ZNF347: variants seen among roughly 807,000 people sequenced by gnomAD.
ZNF347 encodes the protein zinc finger protein 347, also known as CTD-2620I22.7.
Under a neutral mutation model 12.9 loss-of-function variants are expected in ZNF347, and 19 were observed. The observed-to-expected ratio is 1.47, with a 90% CI of 1.03 to 2.16. The LOEUF (loss-of-function observed/expected upper bound fraction) is 2.16, where lower values mean the gene tolerates loss of function less well. ZNF347 is among the 30% of genes most tolerant of loss of function. The pLI, the probability that ZNF347 is intolerant of heterozygous loss-of-function variation, is 0.00. For missense variants in ZNF347, 1,005 were observed against 990.6 expected, an observed-to-expected ratio of 1.01 and a Z score of -0.19; for synonymous variants, 328 against 340.6, an observed-to-expected ratio of 0.96 and a Z score of 0.41.
chr19:53,157,722 TCTC>T (rs1367347368), intron 1 of ZNF347, among the ~76,000 whole-genome samples: 4 of 151,986 alleles, frequency 2.6e-5, no homozygotes, highest in East Asian at 1.9e-4. Flanking sequence ...CTCCTTCTGC[TCTC>T]CTCGTCACCG....
chr19:53,138,175 G>A lies in ZNF347; in HGVS notation c.*2133C>T, dbSNP rs1192242127. ...CTGTCACCCAGGCTGGAGTGCAATG[G>A]CGCGATCTTGGCTCACTGCAACCTC... On this transcript the variant is annotated 3_prime_UTR_variant, in exon 5 of 5. Transcript: ENST00000334197. 1 of 151,720 alleles carries A rather than the reference G, an allele frequency of 6.6e-6. No individual in the cohort carries two copies. Among genetic ancestry groups the A allele is most frequent in the African/African-American group, 2.4e-5 (1 of 41,118 alleles). The allele number at this position is 151,720 out of a possible 1,614,324, so 9.4% of individuals were successfully genotyped here. A position where few individuals can be genotyped will look rare whatever the true frequency, so the allele number is the denominator to read the frequency against.
intron 4 of ZNF347, among the ~76,000 whole-genome samples, chr19:53,144,021 C>T (rs576546459): frequency 2.6e-5 from 4 of 152,204 alleles, no homozygotes; most frequent in South Asian, 2.1e-4. Context: ...AACATACTGC[C>T]GTTTTGTTAC....
At chr19:53,146,974 G>A (rs1483132002) in intron 4 of ZNF347, among the ~76,000 whole-genome samples, 2 of 152,160 alleles carry the variant, frequency 1.3e-5, no homozygotes, top group African/African-American at 2.4e-5. Context: ...GTTAGCTCAC[G>A]CCTGTAATCC....
intron 4 of ZNF347, among the ~76,000 whole-genome samples, chr19:53,145,541 C>T (rs1357887400): frequency 6.6e-6 from 1 of 151,646 alleles, no homozygotes; most frequent in African/African-American, 2.4e-5. Flanking sequence ...CACAGGCACA[C>T]ACCACCATGC....
At chr19:53,147,826 G>C (rs1488820561) in intron 4 of ZNF347, among the ~76,000 whole-genome samples, 1 of 151,990 alleles carries the variant, frequency 6.6e-6, no homozygotes, top group African/African-American at 2.4e-5. Flanking sequence ...TGATCAAGTG[G>C]GATCTATTCC....
At chr19:53,152,798 C>T (rs1459806811) in intron 2 of ZNF347, among the ~76,000 whole-genome samples, 3 of 151,814 alleles carry the variant, frequency 2.0e-5, no homozygotes, top group South Asian at 2.1e-4. Flanking sequence ...GGCATGGTGG[C>T]GGGCGCCTGT....
At chr19:53,151,533 C>CT (rs2090497873) in intron 2 of ZNF347, among the ~76,000 whole-genome samples, 1 of 31,264 alleles carries the variant, frequency 3.2e-5, no homozygotes, top group Non-Finnish European at 5.9e-5. Context: ...GCAAGACTGT[C>CT]TAAAAAAAAA....
In ZNF347 at chr19:53,155,319, TG is replaced by T. The variant is rs1163913658; in HGVS notation, c.-46-1527del. Among the ~76,000 whole-genome samples the T allele has an allele frequency of 1.2e-3, 178 of 151,384 alleles. 2 individuals carry two copies. The Middle Eastern group carries it at 0.014, about 12-fold the overall frequency. ...CTGTGTGTGTGTGTGTGTGTGTGTG[TG>T]TGTGTGTGTGTGTGTTTGTTTTTTG... On this transcript the variant is annotated intron_variant, in intron 1 of 4. Coordinates refer to ENST00000334197, the MANE Select transcript of ZNF347 (RefSeq NM_032584.3).
chr19:53,138,698 A>G lies in ZNF347; in HGVS notation c.*1610T>C, dbSNP rs953177027. On this transcript the variant is annotated 3_prime_UTR_variant, in exon 5 of 5. Coordinates refer to ENST00000334197, the MANE Select transcript of ZNF347 (RefSeq NM_032584.3). ...CCACAAAGAAAAAAAAAATTGTTCT[A>G]CATCCTCCAACCTAAAAGACTGAGT... 2 of 152,120 alleles carry G rather than the reference A, an allele frequency of 1.3e-5. No individual in the cohort carries two copies. The highest frequency in any genetic ancestry group is 2.9e-5 in the Non-Finnish European group (2 of 68,014). 9.4% of individuals were successfully genotyped at this position (152,120 alleles called of 1,614,324 possible). A position where few individuals can be genotyped will look rare whatever the true frequency, so the allele number is the denominator to read the frequency against.
At chr19:53,148,912 C>A (rs2090480248) in intron 3 of ZNF347, 103 bp from the exon 4 acceptor site, 1 of 1,446,734 alleles carries the variant, frequency 6.9e-7, no homozygotes, top group African/African-American at 1.4e-5. Flanking sequence ...TCTAAAAAAA[C>A]ACTTCAAAAA....
chr19:53,142,513 C>G lies in ZNF347; in HGVS notation c.315G>C (p.Gly105=), dbSNP rs2090436261. 1 of 1,607,144 alleles carries G rather than the reference C, an allele frequency of 6.2e-7. No homozygotes were observed. Among genetic ancestry groups the G allele is most frequent in the African/African-American group, 1.3e-5 (1 of 74,556 alleles). ...EFVMKDLLHK[G]KSNTGEVFQT... Reference sequence around the variant, plus strand: ...GGAATACTTCTCCTGTATTACTCTTCCCTTTGTGTAGTAAATCTTTCATTA... The same window carrying G: ...GGAATACTTCTCCTGTATTACTCTTGCCTTTGTGTAGTAAATCTTTCATTA... The change falls in exon 5 of 5, where the codon GGG becomes GGC. Residue 105 remains glycine, a synonymous_variant. Transcript: ENST00000334197.
At chr19:53,142,609 G>A (rs1201847390) in intron 4 of ZNF347, 53 bp from the exon 5 acceptor site, 2 of 1,345,584 alleles carry the variant, frequency 1.5e-6, no homozygotes, top group Non-Finnish European at 2.0e-6. Context: ...ACGTAAACAA[G>A]TATTTTACAC....
intron 4 of ZNF347, among the ~76,000 whole-genome samples, chr19:53,144,624 A>T (rs2090451193): frequency 6.6e-6 from 1 of 152,008 alleles, no homozygotes; most frequent in South Asian, 2.1e-4. Context: ...GACTTTTTAA[A>T]TTTTTTTTCT....
At position 53,148,789 on chromosome 19, in the gene ZNF347, T is replaced by C. The variant is rs2090479051; in HGVS notation, c.163A>G (p.Ser55Gly). Residue 55 changes from serine to glycine, a missense_variant, in exon 4 of 5, where the codon AGT becomes GGT. Coordinates refer to ENST00000334197, the MANE Select transcript of ZNF347 (RefSeq NM_032584.3). ...ASLGISCFDL[S>G]IISMLEQGKE... ...CCTTGCTCCAACATAGAGATAATACTGAGGTCAAAACAAGAGATTCCTGCT... is the reference window on the plus strand; with the variant it reads ...CCTTGCTCCAACATAGAGATAATACCGAGGTCAAAACAAGAGATTCCTGCT... 2.5e-6 allele frequency: 4 copies of C among 1,613,412 alleles called. No homozygotes were observed. The highest frequency in any genetic ancestry group is 2.5e-6 in the Non-Finnish European group (3 of 1,179,776).
intron 4 of ZNF347, among the ~76,000 whole-genome samples, chr19:53,148,277 C>T (rs1439480129): frequency 6.6e-6 from 1 of 152,194 alleles, no homozygotes; most frequent in Non-Finnish European, 1.5e-5. Flanking sequence ...CACTAAAACA[C>T]TCTTAAAATT....
At position 53,142,026 on chromosome 19, in the gene ZNF347, T is replaced by G; in HGVS notation, c.802A>C (p.Met268Leu). 1 of 1,614,118 alleles carries G rather than the reference T, an allele frequency of 6.2e-7. No individual in the cohort carries two copies. The highest frequency in any genetic ancestry group is 8.5e-7 in the Non-Finnish European group (1 of 1,179,972). ...AGGTGTGAATTTTGAGGAAAGACCA[T>G]GCCACATCCATTAGATTTGTAAGGG... is the stretch of plus-strand genomic sequence containing the variant. ...GSPYKSNGCG[M>L]VFPQNSHLAS... The change falls in exon 5 of 5, where the codon ATG (methionine) becomes CTG (leucine). Residue 268 changes from methionine (M) to leucine (L), a missense_variant. Physicochemically the swap from Met to Leu is conservative, Grantham distance 15 (BLOSUM62 2). Transcript: ENST00000334197.
intron 2 of ZNF347, among the ~76,000 whole-genome samples, chr19:53,152,808 T>A (rs987614079): frequency 3.3e-5 from 5 of 151,924 alleles, no homozygotes; most frequent in African/African-American, 1.2e-4. Flanking sequence ...CGGGCGCCTG[T>A]AGTCCCAGTT....
rs1434122722 is a variant in ZNF347, at chr19:53,135,390, A to AGGGAGG, written c.*4917_*4918insCCTCCC. The stretch of plus-strand genomic sequence containing the variant: ...GAGAAAGAGAGAGAGAGAGAGAGAG[A>AGGGAGG]GAGATGGAGTCCCGCTCTGTCACTG... On this transcript the variant is annotated 3_prime_UTR_variant, in exon 5 of 5. Coordinates refer to ENST00000334197, the MANE Select transcript of ZNF347 (RefSeq NM_032584.3). The AGGGAGG allele has an allele frequency of 6.1e-5, 9 of 147,108 alleles. No homozygotes were observed. Among genetic ancestry groups the AGGGAGG allele is most frequent in the African/African-American group, 2.3e-4 (9 of 39,798 alleles). 9.1% of individuals were successfully genotyped at this position (147,108 alleles called of 1,614,324 possible). A position where few individuals can be genotyped will look rare whatever the true frequency, so the allele number is the denominator to read the frequency against.
At chr19:53,145,638 C>G (rs2090458194) in intron 4 of ZNF347, among the ~76,000 whole-genome samples, 1 of 152,040 alleles carries the variant, frequency 6.6e-6, no homozygotes, top group Admixed American at 6.6e-5. Context: ...AGCAATCCGC[C>G]TGCCTCAGCC....
Sources: allele counts gnomAD v4.1 joint callset (sites outside exome capture counted in the v4.1 genomes callset), GRCh38; gene constraint gnomAD v4.1.1; transcripts MANE v1.5; gene names NCBI Gene and HGNC (gene_info 2026-07-23, HGNC 2026-07-21).